The following UBN1 variants were observed in gnomAD, a reference collection of about 807,000 sequenced individuals.
The protein encoded by UBN1 is ubinuclein-1.
UBN1 carries 17 observed loss-of-function variants against 108.5 expected under a neutral mutation model. The observed-to-expected ratio is 0.16, with a 90% CI of 0.11 to 0.24. UBN1 has a LOEUF of 0.24. Ranked by LOEUF, UBN1 falls within the 10% of genes least tolerant of loss-of-function variation. UBN1 has a pLI of 1.00. For synonymous variants in UBN1, 726 were observed against 564.2 expected (o/e 1.29, Z -4.07); for missense variants, 1,595 against 1,394.4 (o/e 1.14, Z -2.29).
At position 4,868,880 on chromosome 16, in the gene UBN1, G is replaced by C. The variant is rs374222403; in HGVS notation, c.1158G>C (p.Gln386His). 14 of 1,613,792 alleles carry C rather than the reference G, an allele frequency of 8.7e-6. No individual in the cohort carries two copies. The African/African-American group carries it at 1.5e-4, about 17-fold the overall frequency. Residue 386 changes from glutamine to histidine, a missense_variant, in exon 8 of 18, where the codon CAG becomes CAC. Around this residue, in one of 3 missense-constraint regions of UBN1, gnomAD observed 1,398 missense variants for 1,194.7 expected, o/e 1.17. Coordinates refer to ENST00000262376, the MANE Select transcript of UBN1 (RefSeq NM_001079514.3). ...EGESRQKFFT[Q>H]DINGILLDIE... ...AGAGCAGACAGAAGTTCTTCACCCA[G>C]GATATTAATGGAATCCTATTAGAGT...
intron 8 of UBN1, 90 bp from the exon 9 acceptor site, chr16:4,870,122 C>G: frequency 6.3e-7 from 1 of 1,576,588 alleles, no homozygotes; most frequent in Non-Finnish European, 8.6e-7. Context: ...CTGCCGTTGG[C>G]TCCTAGCTTT....
At position 4,877,154 on chromosome 16, in the gene UBN1, G is replaced by C. The variant is rs2087922433; in HGVS notation, c.3265+43G>C. ...GCCTCTGGTCACTCAGGAACCTCTA[G>C]ATTGTGGCCAGGGGTCCTGCTGTTG... On this transcript the variant is annotated intron_variant, in intron 16 of 17. Transcript: ENST00000262376. This position sits in a 1 kb window ranked among gnomAD's most constrained non-coding sequence, Gnocchi z 4.3. 1 of 1,561,590 alleles carries C rather than the reference G, an allele frequency of 6.4e-7. No homozygotes were observed.
chr16:4,858,993 C>T (rs768226650), intron 4 of UBN1, 32 bp from the exon 5 acceptor site: 1 of 1,608,590 alleles, frequency 6.2e-7, no homozygotes. Context: ...AGAAGCAGAA[C>T]TTGGAGCTGA....
chr16:4,859,252 C>G, intron 5 of UBN1, 93 bp downstream of exon 5: 1 of 1,521,178 alleles, frequency 6.6e-7, no homozygotes, highest in Non-Finnish European at 8.8e-7. Flanking sequence ...TGGCGCTTGG[C>G]CGGCTCAGGA....
intron 14 of UBN1, among the ~76,000 whole-genome samples, 185 bp from the exon 15 acceptor site, chr16:4,874,026 G>T (rs188829234): frequency 6.2e-4 from 94 of 152,298 alleles, no homozygotes; most frequent in African/African-American, 2.1e-3. Flanking sequence ...CTCACCAGGG[G>T]TGATGAAGTC....
Position 4,874,218 on chromosome 16 carries a change from C to T in UBN1, c.1808C>T (p.Ser603Phe), listed in dbSNP as rs760967721. The change falls in exon 15 of 18, where the codon TCT (serine) becomes TTT (phenylalanine). Residue 603 changes from serine (S) to phenylalanine (F), a missense_variant. By Grantham distance (155) the Ser-to-Phe change is radical (BLOSUM62 -2). Around this residue, in one of 3 missense-constraint regions of UBN1, gnomAD observed 1,398 missense variants for 1,194.7 expected, o/e 1.17. Transcript: ENST00000262376. ...ATTTCTGTTTTCCTTTAGGAATCGT[C>T]TACGAAGCCTGATAAAAAGGTTTCT... is the stretch of plus-strand genomic sequence containing the variant. ...APSKIKVKES[S>F]TKPDKKVSVP... 2 of 1,555,450 alleles carry T rather than the reference C, an allele frequency of 1.3e-6. No individual in the cohort carries two copies. Among genetic ancestry groups the T allele is most frequent in the Admixed American group, 2.0e-5 (1 of 48,790 alleles).
In UBN1 at chr16:4,870,240, A is replaced by G. The variant is rs1013876877; in HGVS notation, c.1210A>G (p.Ser404Gly). ...AGAGGCGCAGACTCGGGAGCTGAGC[A>G]GTCAGGTCCGCTCTGGGGTGTATGC... ...DIEAQTRELS[S>G]QVRSGVYAYL... The change falls in exon 9 of 18, where the codon AGT (serine) becomes GGT (glycine). Residue 404 changes from serine to glycine, a missense_variant. Coordinates refer to ENST00000262376, the MANE Select transcript of UBN1 (RefSeq NM_001079514.3). 4 of 1,614,144 alleles carry G rather than the reference A, an allele frequency of 2.5e-6. No homozygotes were observed. In the Admixed American group the frequency reaches 6.7e-5, roughly 27 times the overall value.
chr16:4,872,089 C>A, intron 12 of UBN1: 1 of 658,708 alleles, frequency 1.5e-6, no homozygotes, highest in Non-Finnish European at 1.9e-6. Context: ...ATACATGGGA[C>A]AGAGAAAGTT....
At chr16:4,870,726 C>G (rs2087588550) in intron 10 of UBN1, 92 bp downstream of exon 10, 3 of 1,586,432 alleles carry the variant, frequency 1.9e-6, no homozygotes, top group Admixed American at 1.8e-5. Flanking sequence ...CCCAAGGAGC[C>G]TCTTGGCTCT....
chr16:4,873,020 C>G lies in UBN1; in HGVS notation c.1758-11C>G. The G allele has an allele frequency of 1.2e-6, 2 of 1,614,178 alleles. No homozygotes were observed. Among genetic ancestry groups the G allele is most frequent in the Non-Finnish European group, 1.7e-6 (2 of 1,180,032 alleles). ...TTCTCTAAACTTTTCTGTGCTCATT[C>G]CTTTGAACAGGGCCAAGAAGAAAGT... is the stretch of plus-strand genomic sequence containing the variant. On this transcript the variant is annotated splice_polypyrimidine_tract_variant and intron_variant, in intron 13 of 17. Coordinates refer to ENST00000262376, the MANE Select transcript of UBN1 (RefSeq NM_001079514.3).
chr16:4,876,171 G>T (rs1005721450), intron 15 of UBN1, among the ~76,000 whole-genome samples: 1 of 152,024 alleles, frequency 6.6e-6, no homozygotes, highest in Non-Finnish European at 1.5e-5. Flanking sequence ...TGTTAGCCAG[G>T]ATAGTCTCGA....
intron 2 of UBN1, among the ~76,000 whole-genome samples, chr16:4,857,495 A>G (rs187804609): frequency 1.3e-5 from 2 of 152,270 alleles, no homozygotes; most frequent in Admixed American, 6.5e-5. Context: ...CTTTGGTAGC[A>G]CCGAGAGAAG....
In UBN1 at chr16:4,877,126, G is replaced by C. The variant is rs778714747; in HGVS notation, c.3265+15G>C. The C allele has an allele frequency of 4.4e-6, 7 of 1,595,238 alleles. No homozygotes were observed. Among genetic ancestry groups the C allele is most frequent in the Non-Finnish European group, 6.0e-6 (7 of 1,171,478 alleles). On this transcript the variant is annotated intron_variant, in intron 16 of 17. Coordinates refer to ENST00000262376, the MANE Select transcript of UBN1 (RefSeq NM_001079514.3). This position sits in a 1 kb window ranked among gnomAD's most constrained non-coding sequence, Gnocchi z 4.3. Reference sequence around the variant, plus strand: ...CCTTGGCCACAGTAAGTGCTTCTTTGCTGCCTCTGGTCACTCAGGAACCTC... The same window carrying C: ...CCTTGGCCACAGTAAGTGCTTCTTTCCTGCCTCTGGTCACTCAGGAACCTC...
intron 2 of UBN1, among the ~76,000 whole-genome samples, chr16:4,856,164 A>G (rs1294695122): frequency 6.6e-6 from 1 of 152,248 alleles, no homozygotes; most frequent in African/African-American, 2.4e-5. Flanking sequence ...TCATGGGTTC[A>G]AACCAAATCA....
chr16:4,858,070 A>G lies in UBN1; in HGVS notation c.330A>G (p.Glu110=), dbSNP rs746417030. The change falls in exon 3 of 18, where the codon GAA becomes GAG. Residue 110 remains glutamate, a synonymous_variant. Transcript: ENST00000262376. The part of the protein sequence containing the change: ...KVEALARKFE[E]KYGGKKRRKD... ...AGGCCCTTGCCCGAAAATTTGAAGAAAAATACGTAAGATTTCTCTCTTGAA... is the reference window on the plus strand; with the variant it reads ...AGGCCCTTGCCCGAAAATTTGAAGAGAAATACGTAAGATTTCTCTCTTGAA... 1.6e-5 allele frequency: 26 copies of G among 1,607,988 alleles called. No individual in the cohort carries two copies. Among genetic ancestry groups the G allele is most frequent in the Non-Finnish European group, 2.1e-5 (25 of 1,175,352 alleles).
rs994321045 is a variant in UBN1 at position 4,850,061 on chromosome 16, G to T, written c.-40+1851G>T. On this transcript the variant is annotated intron_variant, in intron 1 of 17. Transcript: ENST00000262376. ...TTTTTTTAAGCATTCAAACATGTTT[G>T]AACTTAATTATATTTTCTTAAGCAT... Among the ~76,000 whole-genome samples the T allele has an allele frequency of 1.3e-5, 2 of 151,026 alleles. 1 individual carries two copies. Among genetic ancestry groups the T allele is most frequent in the South Asian group, 4.2e-4 (2 of 4,788 alleles).
rs749961942 is a variant in UBN1, at chr16:4,860,764, G to T, written c.772G>T (p.Ala258Ser). The T allele has an allele frequency of 3.1e-6, 5 of 1,614,112 alleles. No homozygotes were observed. In the African/African-American group the frequency reaches 6.7e-5, roughly 22 times the overall value. ...AAAGAAATTTCAGAAAGAGAAAGAGGCTCAGAAAAAAAGGGAGGAGGAGCA... is the reference window on the plus strand; with the variant it reads ...AAAGAAATTTCAGAAAGAGAAAGAGTCTCAGAAAAAAAGGGAGGAGGAGCA... ...MLKKFQKEKE[A>S]QKKREEEHKP... Residue 258 changes from alanine (A) to serine (S), a missense_variant, in exon 7 of 18, where the codon GCT becomes TCT. Around this residue, in one of 3 missense-constraint regions of UBN1, gnomAD observed 1,398 missense variants for 1,194.7 expected, o/e 1.17. Transcript: ENST00000262376.
chr16:4,855,969 C>G lies in UBN1; in HGVS notation c.250-2021C>G, dbSNP rs1290577706. On this transcript the variant is annotated intron_variant, in intron 2 of 17. Transcript: ENST00000262376. ...GAAAAAGTGTTTCCTTGATTGAGAT[C>G]TGATTGCCTGATTGCCAGAATGGAG... Among the ~76,000 whole-genome samples, 4 of 152,272 alleles carry G rather than the reference C, an allele frequency of 2.6e-5. No individual in the cohort carries two copies. The East Asian group carries it at 7.7e-4, about 29-fold the overall frequency.
At chr16:4,872,139 TG>T in intron 12 of UBN1, 1 of 956,444 alleles carries the variant, frequency 1.0e-6, no homozygotes, top group Non-Finnish European at 1.2e-6. Context: ...AATCATCTGT[TG>T]TGCGGATAGA....
Sources: allele counts gnomAD v4.1 joint callset (sites outside exome capture counted in the v4.1 genomes callset), GRCh38; gene constraint gnomAD v4.1.1; regional missense constraint gnomAD v4.1.1; non-coding constraint Gnocchi (gnomAD v3.1); transcripts MANE v1.5; gene names NCBI Gene and HGNC (gene_info 2026-07-23, HGNC 2026-07-21).